Variants in TEX48 observed in about 807,000 individuals in gnomAD.
TEX48 encodes the protein testis expressed 48.
Under a neutral mutation model 13.2 loss-of-function variants are expected in TEX48, and 10 were observed. That is an observed-to-expected ratio of 0.75 (90% confidence interval 0.47 to 1.28). TEX48 has a LOEUF of 1.28. TEX48 is among the 50% of genes most tolerant of loss of function. TEX48 has a pLI of 0.00. For missense variants in TEX48, 116 were observed against 139.4 expected (o/e 0.83, Z 0.84); for synonymous variants, 45 against 52.3 (o/e 0.86, Z 0.60).
chr9:114,674,602 TTTCCTTCCTTCCTTCCTTCCTTCCTTCC>T (rs770645165), intron 1 of TEX48, among the ~76,000 whole-genome samples: 28 of 54,410 alleles, frequency 5.1e-4, no homozygotes, highest in Admixed American at 3.2e-3. Context: ...TCTCTTTTTC[TTTCCTTCCTTCCTTCCTTCCTTCCTTCC>T]TTCCTTCCTT....
intron 4 of TEX48, 88 bp from the exon 5 acceptor site, chr9:114,666,834 G>A: frequency 2.9e-6 from 2 of 691,068 alleles, no homozygotes; most frequent in East Asian, 5.5e-5. Flanking sequence ...ATCCATTGCT[G>A]ATCATTCCTC....
intron 1 of TEX48, among the ~76,000 whole-genome samples, chr9:114,679,283 T>G (rs545692568): frequency 3.8e-4 from 57 of 149,626 alleles, no homozygotes; most frequent in Non-Finnish European, 4.1e-4. Flanking sequence ...CGAGATAATC[T>G]TTTGACCTAC....
At chr9:114,676,606 C>G (rs1204878713) in intron 1 of TEX48, among the ~76,000 whole-genome samples, 1 of 146,722 alleles carries the variant, frequency 6.8e-6, no homozygotes, top group Non-Finnish European at 1.5e-5. Flanking sequence ...GAAGCAGGGA[C>G]AGTATTTTAT....
At chr9:114,673,564 A>T (rs1486280526) in intron 1 of TEX48, among the ~76,000 whole-genome samples, 1 of 152,106 alleles carries the variant, frequency 6.6e-6, no homozygotes, top group Non-Finnish European at 1.5e-5. Flanking sequence ...AAACAACTGG[A>T]ATAAATAAAC....
intron 3 of TEX48, among the ~76,000 whole-genome samples, chr9:114,669,100 C>T (rs1827895324): frequency 6.6e-6 from 1 of 151,908 alleles, no homozygotes. Context: ...CTCAGCCTCC[C>T]GAAGTGCTAG....
At chr9:114,681,342 T>G (rs1170594820) in intron 1 of TEX48, among the ~76,000 whole-genome samples, 1 of 152,062 alleles carries the variant, frequency 6.6e-6, no homozygotes, top group Non-Finnish European at 1.5e-5. Flanking sequence ...GAGCTTTGAG[T>G]TTTTGAACCC....
intron 1 of TEX48, among the ~76,000 whole-genome samples, chr9:114,674,609 CCT>C (rs1828020703): frequency 8.4e-5 from 2 of 23,762 alleles, no homozygotes; most frequent in African/African-American, 1.6e-4. Flanking sequence ...TTCTTTCCTT[CCT>C]TCCTTCCTTC....
At chr9:114,673,407 G>T (rs1247699525) in intron 1 of TEX48, among the ~76,000 whole-genome samples, 1 of 150,590 alleles carries the variant, frequency 6.6e-6, no homozygotes, top group Admixed American at 6.6e-5. Context: ...GGAGGCGGAG[G>T]TTGTGGTGAG....
Position 114,676,527 on chromosome 9 carries a change from A to G in TEX48, c.-104-4700T>C, listed in dbSNP as rs576158204. Among the ~76,000 whole-genome samples, 4 of 150,980 alleles carry G rather than the reference A, an allele frequency of 2.6e-5. No individual in the cohort carries two copies. The East Asian group carries it at 7.8e-4, about 29-fold the overall frequency. On this transcript the variant is annotated intron_variant, in intron 1 of 4. Transcript: ENST00000436752. Reference sequence around the variant, plus strand: ...CACATGTATTTACTGAAAACCTGCCATGTTCCAGGTACTGTTAGGTGCTGG... The same window carrying G: ...CACATGTATTTACTGAAAACCTGCCGTGTTCCAGGTACTGTTAGGTGCTGG...
At chr9:114,679,247 A>G (rs1828138559) in intron 1 of TEX48, among the ~76,000 whole-genome samples, 1 of 146,258 alleles carries the variant, frequency 6.8e-6, no homozygotes, top group Non-Finnish European at 1.5e-5. Context: ...TCATTTTCCA[A>G]GAGTCCTAAA....
At chr9:114,678,954 G>A (rs1398336327) in intron 1 of TEX48, among the ~76,000 whole-genome samples, 1 of 151,696 alleles carries the variant, frequency 6.6e-6, no homozygotes, top group African/African-American at 2.4e-5. Context: ...ATATTTTTAA[G>A]CATGGACTTG....
chr9:114,671,489 C>G lies in TEX48; in HGVS notation c.21G>C (p.Leu7=), dbSNP rs997141336. The stretch of plus-strand genomic sequence containing the variant: ...AGCATAAACAGAAGATCTTCAAGAT[C>G]AGGTTTTGGTGGGCTGCTGTTGGAG... MAAHQN[L]ILKIFCLCCR... is the part of the protein sequence containing the mutation. Residue 7 remains leucine (L), a synonymous_variant, in exon 3 of 5, where the codon CTG becomes CTC. Coordinates refer to ENST00000436752, the MANE Select transcript of TEX48 (RefSeq NM_001199233.2). 8 of 1,534,424 alleles carry G rather than the reference C, an allele frequency of 5.2e-6. No individual in the cohort carries two copies. In the Admixed American group the frequency reaches 1.4e-4, roughly 26 times the overall value.
intron 1 of TEX48, among the ~76,000 whole-genome samples, chr9:114,674,602 T>TTTCC (rs770645165): frequency 0.01 from 568 of 54,396 alleles, 9 homozygotes; most frequent in East Asian, 0.033. Context: ...TCTCTTTTTC[T>TTTCC]TTCCTTCCTT....
At chr9:114,681,044 G>A (rs1564319100) in intron 1 of TEX48, among the ~76,000 whole-genome samples, 2 of 152,216 alleles carry the variant, frequency 1.3e-5, no homozygotes, top group Admixed American at 1.3e-4. Context: ...TGTAGTGAAT[G>A]CAGGCATCTT....
chr9:114,668,633 A>AT (rs1410467993), intron 3 of TEX48, among the ~76,000 whole-genome samples: 1 of 152,214 alleles, frequency 6.6e-6, no homozygotes, highest in Non-Finnish European at 1.5e-5. Context: ...CAAAGTATGT[A>AT]TTCTTTTTAA....
chr9:114,667,348 ATGTGGCTGCAT>A (rs1237041964), intron 4 of TEX48, among the ~76,000 whole-genome samples: 1 of 152,192 alleles, frequency 6.6e-6, no homozygotes, highest in African/African-American at 2.4e-5. Flanking sequence ...GCGCCCAGCA[ATGTGGCTGCAT>A]TTCTTCTTCC....
chr9:114,670,492 C>CTT (rs11384418), intron 3 of TEX48, among the ~76,000 whole-genome samples: 56 of 148,286 alleles, frequency 3.8e-4, no homozygotes, highest in Non-Finnish European at 5.1e-4. Context: ...AATAGTGCTT[C>CTT]TTTTTTTTTT....
chr9:114,676,085 T>C (rs1828055832), intron 1 of TEX48, among the ~76,000 whole-genome samples: 1 of 152,370 alleles, frequency 6.6e-6, no homozygotes, highest in East Asian at 1.9e-4. Flanking sequence ...AATAAACACT[T>C]GTTGAAACGT....
chr9:114,670,874 C>T (rs1386118991), intron 3 of TEX48, among the ~76,000 whole-genome samples: 2 of 152,058 alleles, frequency 1.3e-5, no homozygotes, highest in Non-Finnish European at 2.9e-5. Context: ...ATTTATATTG[C>T]CTCACAATAA....
Sources: allele counts gnomAD v4.1 joint callset (sites outside exome capture counted in the v4.1 genomes callset), GRCh38; gene constraint gnomAD v4.1.1; transcripts MANE v1.5; gene names NCBI Gene and HGNC (gene_info 2026-07-23, HGNC 2026-07-21).